FLRT2: variants seen among roughly 807,000 people sequenced by gnomAD.
FLRT2 encodes the protein fibronectin leucine rich transmembrane protein 2.
Under a neutral mutation model 40.0 loss-of-function variants are expected in FLRT2, and 15 were observed. The observed-to-expected ratio is 0.38, with a 90% confidence interval of 0.25 to 0.58. The LOEUF is 0.58. Ranked by LOEUF, FLRT2 falls within the 20% of genes least tolerant of loss-of-function variation. The probability of loss-of-function intolerance (pLI) is 0.71; values close to 1 mark genes in which losing one functional copy is unlikely to be tolerated. For missense variants in FLRT2, 726 were observed against 840.0 expected (o/e 0.86, Z 1.68); for synonymous variants, 380 against 336.8 (o/e 1.13, Z -1.41).
At chr14:85,575,082 A>T (rs1891070211) in intron 1 of FLRT2, among the ~76,000 whole-genome samples, 1 of 152,184 alleles carries the variant, frequency 6.6e-6, no homozygotes, top group African/African-American at 2.4e-5. Flanking sequence ...CCATTCGAAA[A>T]GCAAATATTT....
At chr14:85,560,412 T>TA (rs1345682912) in intron 1 of FLRT2, among the ~76,000 whole-genome samples, 2 of 151,764 alleles carry the variant, frequency 1.3e-5, no homozygotes, top group African/African-American at 4.8e-5. Flanking sequence ...CCGTCTCTAC[T>TA]AAAAATACAA....
chr14:85,623,610 GT>G lies in FLRT2; in HGVS notation c.*114del. 1 of 837,024 alleles carries G rather than the reference GT, an allele frequency of 1.2e-6. No individual in the cohort carries two copies. Among genetic ancestry groups the G allele is most frequent in the Non-Finnish European group, 1.7e-6 (1 of 583,788 alleles). The allele number at this position is 837,024 out of a possible 1,614,324, so 51.8% of individuals were successfully genotyped here. A position where few individuals can be genotyped will look rare whatever the true frequency, so the allele number is the denominator to read the frequency against. Reference sequence around the variant, plus strand: ...TGATAAATGTTACACAGATGCATTTGTGCATTTGAATACTCTGTAATTTATA... The same window carrying G: ...TGATAAATGTTACACAGATGCATTTGGCATTTGAATACTCTGTAATTTATA... On this transcript the variant is annotated 3_prime_UTR_variant, in exon 2 of 2. Coordinates refer to ENST00000330753, the MANE Select transcript of FLRT2 (RefSeq NM_013231.6).
intron 1 of FLRT2, among the ~76,000 whole-genome samples, chr14:85,567,074 A>T (rs1890657039): frequency 6.6e-6 from 1 of 152,194 alleles, no homozygotes; most frequent in Non-Finnish European, 1.5e-5. Context: ...AAATGTATTT[A>T]TGCTTTCACT....
intron 1 of FLRT2, among the ~76,000 whole-genome samples, chr14:85,608,285 A>G (rs1478402192): frequency 1.3e-5 from 2 of 151,068 alleles, no homozygotes; most frequent in African/African-American, 4.9e-5. Flanking sequence ...GCTGGAGTGC[A>G]GTGGTGTTAT....
rs1187156189 is a variant in FLRT2, at chr14:85,648,961, TA to T, written c.*25465del. 2.6e-5 allele frequency: 4 copies of T among 152,172 alleles called. No individual in the cohort carries two copies. The highest frequency in any genetic ancestry group is 9.6e-5 in the African/African-American group (4 of 41,460). 9.4% of individuals were successfully genotyped at this position (152,172 alleles called of 1,614,324 possible). A position where few individuals can be genotyped will look rare whatever the true frequency, so the allele number is the denominator to read the frequency against. Reference sequence around the variant, plus strand: ...TGAGCAGTCACAGAATTCACTGATCTATTATAATTTACCAATTCCTTTGCAT... The same window carrying T: ...TGAGCAGTCACAGAATTCACTGATCTTTATAATTTACCAATTCCTTTGCAT... On this transcript the variant is annotated 3_prime_UTR_variant, in exon 2 of 2. Coordinates refer to ENST00000330753, the MANE Select transcript of FLRT2 (RefSeq NM_013231.6).
rs1166175257 is a variant in FLRT2, at chr14:85,645,315, C to A, written c.*21818C>A. On this transcript the variant is annotated 3_prime_UTR_variant, in exon 2 of 2. Transcript: ENST00000330753. The stretch of plus-strand genomic sequence containing the variant: ...ATATGTATATAGAAGTATATATACA[C>A]ATATAAATGTGTGCGTGTATATATA... 1 of 151,156 alleles carries A rather than the reference C, an allele frequency of 6.6e-6. No homozygotes were observed. The highest frequency in any genetic ancestry group is 2.4e-5 in the African/African-American group (1 of 40,902). 9.4% of individuals were successfully genotyped at this position (151,156 alleles called of 1,614,324 possible).
chr14:85,534,191 A>C (rs1018169719), intron 1 of FLRT2, among the ~76,000 whole-genome samples: 3 of 152,162 alleles, frequency 2.0e-5, no homozygotes, highest in Non-Finnish European at 4.4e-5. Flanking sequence ...AAATTCCCCC[A>C]GGAGTGGGTG....
intron 1 of FLRT2, among the ~76,000 whole-genome samples, chr14:85,572,453 G>A (rs546967468): frequency 1.3e-4 from 20 of 152,138 alleles, no homozygotes; most frequent in Non-Finnish European, 2.6e-4. Flanking sequence ...CCAGACATGG[G>A]GAGCAGGACA....
chr14:85,557,413 C>T (rs1237795643), intron 1 of FLRT2, among the ~76,000 whole-genome samples: 1 of 152,086 alleles, frequency 6.6e-6, no homozygotes, highest in Non-Finnish European at 1.5e-5. Context: ...TTTCTTGTTT[C>T]TTCAGGTTAC....
chr14:85,578,647 T>C (rs950616127), intron 1 of FLRT2, among the ~76,000 whole-genome samples: 1 of 152,096 alleles, frequency 6.6e-6, no homozygotes, highest in African/African-American at 2.4e-5. Context: ...GAGATACGGG[T>C]TGAGTGATAT....
At chr14:85,613,103 A>G (rs1216108206) in intron 1 of FLRT2, among the ~76,000 whole-genome samples, 1 of 152,102 alleles carries the variant, frequency 6.6e-6, no homozygotes, top group Non-Finnish European at 1.5e-5. Context: ...GTAGTATGCA[A>G]TTAAAGTTCG....
chr14:85,646,968 C>G lies in FLRT2; in HGVS notation c.*23471C>G, dbSNP rs1894321872. 6.6e-6 allele frequency: 1 copy of G among 152,170 alleles called. No individual in the cohort carries two copies. The highest frequency in any genetic ancestry group is 1.5e-5 in the Non-Finnish European group (1 of 68,026). The allele number at this position is 152,170 out of a possible 1,614,324, so 9.4% of individuals were successfully genotyped here. On this transcript the variant is annotated 3_prime_UTR_variant, in exon 2 of 2. Coordinates refer to ENST00000330753, the MANE Select transcript of FLRT2 (RefSeq NM_013231.6). ...ACTCTGTCCAAGAGACACAGTGACA[C>G]ATACATGCACAGCTGACCAAAGCTA...
intron 1 of FLRT2, among the ~76,000 whole-genome samples, chr14:85,616,857 G>A (rs1318710604): frequency 1.3e-5 from 2 of 152,112 alleles, no homozygotes; most frequent in African/African-American, 4.8e-5. Context: ...CCTCGTTCTA[G>A]TGCTCAATAA....
intron 1 of FLRT2, among the ~76,000 whole-genome samples, chr14:85,589,463 A>G (rs1891784650): frequency 1.3e-5 from 2 of 152,082 alleles, no homozygotes; most frequent in South Asian, 4.1e-4. Flanking sequence ...TTGGATTATT[A>G]GCTTTTTTCC....
intron 1 of FLRT2, among the ~76,000 whole-genome samples, chr14:85,532,720 G>T (rs933313057): frequency 2.0e-5 from 3 of 152,198 alleles, no homozygotes; most frequent in African/African-American, 7.2e-5. Flanking sequence ...TCCAGGATGA[G>T]GGAACTAGTG....
chr14:85,533,342 T>C (rs147618903), intron 1 of FLRT2, among the ~76,000 whole-genome samples: 2,352 of 151,826 alleles, frequency 0.015, 70 homozygotes, highest in African/African-American at 0.054. Context: ...CCGCGTCGGA[T>C]TGAGGCAGTA....
intron 1 of FLRT2, among the ~76,000 whole-genome samples, chr14:85,543,140 T>C (rs1346265894): frequency 6.6e-6 from 1 of 152,176 alleles, no homozygotes; most frequent in Non-Finnish European, 1.5e-5. Context: ...GTGCAAATCA[T>C]GAAGACTAAG....
intron 1 of FLRT2, among the ~76,000 whole-genome samples, chr14:85,536,332 C>G (rs1197821008): frequency 6.6e-6 from 1 of 152,022 alleles, no homozygotes; most frequent in African/African-American, 2.4e-5. Context: ...TAGTTTGACT[C>G]TTGAGCTTTG....
At chr14:85,569,006 C>T (rs562555731) in intron 1 of FLRT2, among the ~76,000 whole-genome samples, 23 of 152,224 alleles carry the variant, frequency 1.5e-4, no homozygotes, top group African/African-American at 5.3e-4. Flanking sequence ...AACGGTGGTA[C>T]TGATGGATCA....
Sources: gnomAD v4.1 joint callset for allele counts (sites outside exome capture counted in the v4.1 genomes callset) on GRCh38, gnomAD v4.1.1 for gene constraint, MANE v1.5 for transcripts, NCBI Gene and HGNC (gene_info 2026-07-23, HGNC 2026-07-21) for gene names.